Variants in PIGL observed in about 807,000 individuals in gnomAD.
The protein encoded by PIGL is N-acetylglucosaminyl-phosphatidylinositol de-N-acetylase.
PIGL carries 22 observed loss-of-function variants against 31.1 expected under a neutral mutation model. That is an observed-to-expected ratio of 0.71 (90% CI 0.51 to 1.01). PIGL has a LOEUF of 1.01. Among genes scored for constraint, PIGL ranks in the 50% least tolerant of loss-of-function variants. The pLI is 0.00. For missense variants in PIGL, 302 were observed against 315.9 expected (o/e 0.96, Z 0.33); for synonymous variants, 131 against 117.4 (o/e 1.12, Z -0.75).
At chr17:16,248,596 T>G (rs2092758372) in intron 2 of PIGL, among the ~76,000 whole-genome samples, 1 of 152,174 alleles carries the variant, frequency 6.6e-6, no homozygotes, top group Non-Finnish European at 1.5e-5. Context: ...TTCTCTCCAG[T>G]CTCCTTTTCC....
At chr17:16,281,855 C>T (rs1054278117) in intron 2 of PIGL, among the ~76,000 whole-genome samples, 1 of 152,196 alleles carries the variant, frequency 6.6e-6, no homozygotes, top group African/African-American at 2.4e-5. Flanking sequence ...CTCTGGTACA[C>T]AGGTGGGGTG....
chr17:16,240,036 C>T (rs1183610856), intron 2 of PIGL, among the ~76,000 whole-genome samples: 8 of 152,104 alleles, frequency 5.3e-5, no homozygotes, highest in African/African-American at 1.2e-4. Flanking sequence ...GGAGGTGGGG[C>T]GTTGGATCAG....
At chr17:16,251,578 G>C (rs1159007706) in intron 2 of PIGL, among the ~76,000 whole-genome samples, 2 of 151,472 alleles carry the variant, frequency 1.3e-5, no homozygotes, top group Admixed American at 1.3e-4. Context: ...AGTTAAAGAG[G>C]GGGGAAAAAA....
chr17:16,231,189 C>A (rs1568781357), intron 1 of PIGL, among the ~76,000 whole-genome samples: 2 of 147,942 alleles, frequency 1.4e-5, no homozygotes, highest in Non-Finnish European at 3.0e-5. Flanking sequence ...GGATTACAGG[C>A]ATGAGCCACC....
At chr17:16,268,177 G>C (rs1487747905) in intron 2 of PIGL, among the ~76,000 whole-genome samples, 1 of 152,152 alleles carries the variant, frequency 6.6e-6, no homozygotes, top group Non-Finnish European at 1.5e-5. Flanking sequence ...GAGCCGAGAT[G>C]GGAATGAGTT....
intron 3 of PIGL, among the ~76,000 whole-genome samples, chr17:16,303,239 T>C (rs2093012291): frequency 6.6e-6 from 1 of 152,212 alleles, no homozygotes; most frequent in Admixed American, 6.5e-5. Context: ...GCAACATATG[T>C]TGCTGTTTAT....
At chr17:16,245,755 CAT>C (rs890809270) in intron 2 of PIGL, among the ~76,000 whole-genome samples, 138 of 149,980 alleles carry the variant, frequency 9.2e-4, no homozygotes, top group African/African-American at 3.2e-3. Flanking sequence ...TATACACACA[CAT>C]ATATATATAC....
intron 2 of PIGL, among the ~76,000 whole-genome samples, chr17:16,243,447 G>A (rs1228556292): frequency 6.6e-6 from 1 of 152,180 alleles, no homozygotes; most frequent in African/African-American, 2.4e-5. Flanking sequence ...ATGCTACAAA[G>A]AGATGAAGGA....
At chr17:16,221,616 A>G (rs2092629663) in intron 1 of PIGL, among the ~76,000 whole-genome samples, 1 of 151,448 alleles carries the variant, frequency 6.6e-6, no homozygotes, top group Admixed American at 6.6e-5. Context: ...TACCTGGCTA[A>G]TTTTTGTTTT....
intron 3 of PIGL, among the ~76,000 whole-genome samples, chr17:16,310,873 T>C (rs1053727900): frequency 1.3e-5 from 2 of 152,206 alleles, no homozygotes; most frequent in South Asian, 2.1e-4. Context: ...GAGCGTGGAC[T>C]GTGGAGTCAG....
chr17:16,228,533 C>T (rs1320214670), intron 1 of PIGL, among the ~76,000 whole-genome samples: 2 of 152,100 alleles, frequency 1.3e-5, no homozygotes, highest in African/African-American at 4.8e-5. Flanking sequence ...GGACTACAGG[C>T]TCCCGCCACC....
At chr17:16,226,472 C>G (rs1338688236) in intron 1 of PIGL, among the ~76,000 whole-genome samples, 1 of 152,110 alleles carries the variant, frequency 6.6e-6, no homozygotes, top group East Asian at 1.9e-4. Flanking sequence ...ATGACCTATC[C>G]TTAAAAATCT....
intron 2 of PIGL, among the ~76,000 whole-genome samples, chr17:16,262,643 C>T (rs1240584997): frequency 6.6e-6 from 1 of 151,992 alleles, no homozygotes; most frequent in Non-Finnish European, 1.5e-5. Context: ...TAGTGAAACC[C>T]CATCTCTAAA....
intron 2 of PIGL, among the ~76,000 whole-genome samples, chr17:16,256,869 G>A: frequency 6.6e-6 from 1 of 151,604 alleles, no homozygotes; most frequent in East Asian, 2.0e-4. Flanking sequence ...TGTGTTTTTA[G>A]TAGAGATGAG....
chr17:16,315,708 CTT>C (rs1157169209), intron 4 of PIGL, among the ~76,000 whole-genome samples: 8 of 58,986 alleles, frequency 1.4e-4, no homozygotes, highest in Non-Finnish European at 2.0e-4. Flanking sequence ...TTCTTTCTTT[CTT>C]TTTTTTTTTT....
intron 2 of PIGL, among the ~76,000 whole-genome samples, chr17:16,234,359 A>C (rs1199975151): frequency 6.6e-6 from 1 of 152,138 alleles, no homozygotes; most frequent in East Asian, 1.9e-4. Context: ...AGGCAGGAGA[A>C]TCACTTGAAC....
At chr17:16,250,039 T>C (rs1273346991) in intron 2 of PIGL, among the ~76,000 whole-genome samples, 3 of 152,036 alleles carry the variant, frequency 2.0e-5, no homozygotes, top group Non-Finnish European at 4.4e-5. Context: ...CTCCACCTCT[T>C]GGATTCAAAT....
chr17:16,309,676 G>A (rs564438534), intron 3 of PIGL, among the ~76,000 whole-genome samples: 6 of 151,936 alleles, frequency 3.9e-5, no homozygotes, highest in Non-Finnish European at 8.8e-5. Context: ...CAGGAGAATT[G>A]CTTGAACCCA....
chr17:16,224,913 C>T (rs1307058869), intron 1 of PIGL, among the ~76,000 whole-genome samples: 1 of 152,200 alleles, frequency 6.6e-6, no homozygotes, highest in Non-Finnish European at 1.5e-5. Context: ...ACCTCAGCCT[C>T]CCAAAGTGCT....
Sources: allele counts gnomAD v4.1 joint callset (sites outside exome capture counted in the v4.1 genomes callset), GRCh38; gene constraint gnomAD v4.1.1; transcripts MANE v1.5; gene names NCBI Gene and HGNC (gene_info 2026-07-23, HGNC 2026-07-21).